Variants in EXOC6 observed in about 807,000 individuals in gnomAD.
The protein encoded by EXOC6 is SEC15-like 1.
In EXOC6, 60 loss-of-function variants were observed where a neutral mutation model predicts 112.5. The ratio of observed to expected loss-of-function variants is 0.53; its 90% CI spans 0.43 to 0.66. EXOC6 has a LOEUF of 0.66. Ranked by LOEUF, EXOC6 falls within the 30% of genes least tolerant of loss-of-function variation. The pLI, the probability that EXOC6 is intolerant of heterozygous loss-of-function variation, is 0.00. For synonymous variants in EXOC6, 295 were observed against 308.0 expected, an observed-to-expected ratio of 0.96 and a Z score of 0.44; for missense variants, 855 against 957.1, an observed-to-expected ratio of 0.89 and a Z score of 1.41.
intron 4 of EXOC6, among the ~76,000 whole-genome samples, chr10:92,898,780 A>G (rs1849977626): frequency 6.6e-6 from 1 of 152,154 alleles, no homozygotes; most frequent in Non-Finnish European, 1.5e-5. Flanking sequence ...AGACACATAA[A>G]CGATGTTTTT....
At chr10:93,038,065 A>AAAAAAAT (rs1316311788) in intron 20 of EXOC6, among the ~76,000 whole-genome samples, 2 of 126,106 alleles carry the variant, frequency 1.6e-5, no homozygotes, top group Non-Finnish European at 3.2e-5. Context: ...AAAAAAAAAA[A>AAAAAAAT]ATTTTTCTCT....
At position 92,974,121 on chromosome 10, in the gene EXOC6, G is replaced by A; in HGVS notation, c.1842G>A (p.Gln614=). The A allele has an allele frequency of 6.2e-7, 1 of 1,604,568 alleles. No homozygotes were observed. The highest frequency in any genetic ancestry group is 8.5e-7 in the Non-Finnish European group (1 of 1,177,930). The part of the protein sequence containing the change: ...KLNQKIDEFV[Q]LADYDWTMSE... ...ATCAAAAAATTGATGAATTTGTTCA[G>A]CTTGCTGATTATGACTGGACAATGT... Residue 614 remains glutamine, a synonymous_variant, in exon 18 of 22, where the codon CAG becomes CAA. Transcript: ENST00000260762.
chr10:93,043,009 C>T (rs1349186982), intron 20 of EXOC6, among the ~76,000 whole-genome samples: 4 of 151,550 alleles, frequency 2.6e-5, no homozygotes, highest in Non-Finnish European at 5.9e-5. Context: ...CAATCTTGGC[C>T]CACTGCAACC....
chr10:93,033,201 T>C (rs1205259690), intron 20 of EXOC6, among the ~76,000 whole-genome samples: 2 of 152,150 alleles, frequency 1.3e-5, no homozygotes, highest in Non-Finnish European at 2.9e-5. Flanking sequence ...TTAAGGAGAA[T>C]AGATTTAAAA....
chr10:92,882,294 A>G (rs1376118680), intron 1 of EXOC6, among the ~76,000 whole-genome samples: 1 of 152,150 alleles, frequency 6.6e-6, no homozygotes, highest in Non-Finnish European at 1.5e-5. Flanking sequence ...CTGTAATCCC[A>G]GCACTTTGGG....
At chr10:92,858,111 A>G (rs1431810234) in intron 1 of EXOC6, among the ~76,000 whole-genome samples, 1 of 146,144 alleles carries the variant, frequency 6.8e-6, no homozygotes, top group African/African-American at 2.5e-5. Context: ...TGTTAATCTT[A>G]TTGGAATTCC....
Position 92,889,993 on chromosome 10 carries a change from C to T in EXOC6, c.102-3356C>T, listed in dbSNP as rs550424792. 1.1e-4 allele frequency among the ~76,000 whole-genome samples: 17 copies of T among 152,216 alleles called. No homozygotes were observed. The South Asian group carries it at 2.9e-3, about 26-fold the overall frequency. Reference sequence around the variant, plus strand: ...TATATAAACCCAAGGATCAGTTTATCGATGTCTGCAAAATAACTTGCTGGG... The same window carrying T: ...TATATAAACCCAAGGATCAGTTTATTGATGTCTGCAAAATAACTTGCTGGG... On this transcript the variant is annotated intron_variant, in intron 1 of 21. Transcript: ENST00000260762.
At chr10:92,857,936 G>GT (rs1168738093) in intron 1 of EXOC6, among the ~76,000 whole-genome samples, 8 of 144,564 alleles carry the variant, frequency 5.5e-5, no homozygotes, top group African/African-American at 2.0e-4. Context: ...TTGTTTGTCT[G>GT]TTTTTTTAAA....
rs373294065 is a variant in EXOC6 at position 92,865,553 on chromosome 10, C to T, written c.101+16919C>T. Among the ~76,000 whole-genome samples, 165 of 152,154 alleles carry T rather than the reference C, an allele frequency of 1.1e-3. 3 individuals are homozygous for T. The South Asian group carries it at 0.019, about 18-fold the overall frequency. Reference sequence around the variant, plus strand: ...CGCCTCCCGGGCTCAAGCGATCTCTCGCCTCAGCCTCCTGAATAGCTGGGA... The same window carrying T: ...CGCCTCCCGGGCTCAAGCGATCTCTTGCCTCAGCCTCCTGAATAGCTGGGA... On this transcript the variant is annotated intron_variant, in intron 1 of 21. Transcript: ENST00000260762.
chr10:92,833,561 C>G (rs1293784481), upstream of EXOC6, among the ~76,000 whole-genome samples: 2 of 152,078 alleles, frequency 1.3e-5, no homozygotes, highest in African/African-American at 4.8e-5. Context: ...TGGATGCAGG[C>G]AGGGGTGACA....
At chr10:92,973,743 A>G (rs980240039) in intron 17 of EXOC6, among the ~76,000 whole-genome samples, 2 of 152,112 alleles carry the variant, frequency 1.3e-5, no homozygotes, top group African/African-American at 2.4e-5. Context: ...TCGTTTTTCT[A>G]CTTCTGTTTC....
Position 93,056,986 on chromosome 10 carries a change from T to C in EXOC6, c.2232T>C (p.Ala744=). Residue 744 remains alanine (A), a synonymous_variant, in exon 21 of 22, where the codon GCT becomes GCC. Coordinates refer to ENST00000260762, the MANE Select transcript of EXOC6 (RefSeq NM_019053.6). ...ACCTAGCTGATTATGGGCAGCCAGC[T>C]TCTAAGTACCTTCGGGTGAATCCAA... The part of the protein sequence containing the change: ...STYLADYGQP[A]SKYLRVNPNT... 6.3e-7 allele frequency: 1 copy of C among 1,598,366 alleles called. No individual in the cohort carries two copies. Among genetic ancestry groups the C allele is most frequent in the Non-Finnish European group, 8.5e-7 (1 of 1,174,786 alleles).
rs532930637 is a variant in EXOC6 at position 92,980,256 on chromosome 10, C to G, written c.1953+6024C>G. ...TTTGTAATTTACTAGCTATGGGATCCTGGCAAGTTGCTTAATCTCTCTGAG... is the reference window on the plus strand; with the variant it reads ...TTTGTAATTTACTAGCTATGGGATCGTGGCAAGTTGCTTAATCTCTCTGAG... On this transcript the variant is annotated intron_variant, in intron 18 of 21. Coordinates refer to ENST00000260762, the MANE Select transcript of EXOC6 (RefSeq NM_019053.6). 2.0e-5 allele frequency among the ~76,000 whole-genome samples: 3 copies of G among 152,228 alleles called. No individual in the cohort carries two copies. In the East Asian group the frequency reaches 5.8e-4, roughly 29 times the overall value.
chr10:92,886,579 T>C (rs921448298), intron 1 of EXOC6, among the ~76,000 whole-genome samples: 1 of 152,366 alleles, frequency 6.6e-6, no homozygotes, highest in Admixed American at 6.5e-5. Flanking sequence ...CTATGTAATA[T>C]AGTAGTTCAG....
At chr10:93,013,617 A>G (rs1460527035) in intron 19 of EXOC6, among the ~76,000 whole-genome samples, 2 of 151,944 alleles carry the variant, frequency 1.3e-5, no homozygotes, top group Admixed American at 6.6e-5. Context: ...CAAAAAAAAT[A>G]AAAATAAAAA....
intron 15 of EXOC6, among the ~76,000 whole-genome samples, chr10:92,954,197 T>C (rs1462760160): frequency 6.6e-6 from 1 of 152,152 alleles, no homozygotes; most frequent in Non-Finnish European, 1.5e-5. Context: ...TGAGAATTGC[T>C]TGGGTCCAGG....
At chr10:93,049,863 A>G (rs934854054) in intron 20 of EXOC6, among the ~76,000 whole-genome samples, 2 of 152,172 alleles carry the variant, frequency 1.3e-5, no homozygotes, top group Admixed American at 1.3e-4. Context: ...CCACCATGGT[A>G]GGCCAGAAGA....
intron 19 of EXOC6, among the ~76,000 whole-genome samples, chr10:93,005,950 A>G (rs926234873): frequency 2.6e-5 from 4 of 152,178 alleles, no homozygotes; most frequent in African/African-American, 9.7e-5. Flanking sequence ...GCTTGAGCCC[A>G]GGGGTTCGAG....
At chr10:92,880,147 G>A (rs1848880164) in intron 1 of EXOC6, among the ~76,000 whole-genome samples, 1 of 152,162 alleles carries the variant, frequency 6.6e-6, no homozygotes, top group Non-Finnish European at 1.5e-5. Context: ...TAAATCCATG[G>A]ATGTTGAAAT....
Sources: allele counts gnomAD v4.1 joint callset (sites outside exome capture counted in the v4.1 genomes callset), GRCh38; gene constraint gnomAD v4.1.1; transcripts MANE v1.5; gene names NCBI Gene and HGNC (gene_info 2026-07-23, HGNC 2026-07-21).